Variants in WIF1 observed in about 807,000 individuals in gnomAD.
The protein encoded by WIF1 is Wnt inhibitory factor 1.
In WIF1, 35 loss-of-function variants were observed where a neutral mutation model predicts 53.5. The ratio of observed to expected loss-of-function variants is 0.65; its 90% CI spans 0.50 to 0.87. WIF1 has a LOEUF of 0.87. Ranked by LOEUF, WIF1 falls within the 40% of genes least tolerant of loss-of-function variation. The probability of loss-of-function intolerance (pLI) is 0.00; values close to 1 mark genes in which losing one functional copy is unlikely to be tolerated. For synonymous variants in WIF1, 171 were observed against 170.4 expected, an observed-to-expected ratio of 1.00 and a Z score of -0.03; for missense variants, 467 against 476.8, an observed-to-expected ratio of 0.98 and a Z score of 0.19.
intron 2 of WIF1, among the ~76,000 whole-genome samples, chr12:65,079,760 G>A (rs1882920328): frequency 6.6e-6 from 1 of 152,058 alleles, no homozygotes; most frequent in Admixed American, 6.6e-5. Flanking sequence ...GCAGTTACCT[G>A]TAGAGACATC....
intron 3 of WIF1, among the ~76,000 whole-genome samples, chr12:65,071,682 C>T (rs1462420716): frequency 6.6e-6 from 1 of 152,150 alleles, no homozygotes; most frequent in Non-Finnish European, 1.5e-5. Context: ...CATTAAAAAT[C>T]CCATCAGCCC....
In WIF1 at chr12:65,068,858, T is replaced by C. The variant is rs1329697044; in HGVS notation, c.444A>G (p.Ala148=). 4 of 1,613,676 alleles carry C rather than the reference T, an allele frequency of 2.5e-6. No homozygotes were observed. The highest frequency in any genetic ancestry group is 3.4e-6 in the Non-Finnish European group (4 of 1,179,720). The change falls in exon 4 of 10, where the codon GCA becomes GCG. Residue 148 remains alanine (A), a synonymous_variant. Transcript: ENST00000286574. ...FPCLGKQDGV[A]AFEVDVIVMN... is the part of the protein sequence containing the mutation. ...TAACAATCACATCCACTTCAAATGCTGCCACCCCATCCTGTTTTCCAAGAC... is the reference window on the plus strand; with the variant it reads ...TAACAATCACATCCACTTCAAATGCCGCCACCCCATCCTGTTTTCCAAGAC...
chr12:65,069,330 A>G (rs985293036), intron 3 of WIF1, among the ~76,000 whole-genome samples: 6 of 152,186 alleles, frequency 3.9e-5, no homozygotes, highest in African/African-American at 1.4e-4. Context: ...TGGCATCTTC[A>G]TCAGCCTCCA....
chr12:65,118,987 A>G (rs937161403), intron 2 of WIF1, among the ~76,000 whole-genome samples: 11 of 152,126 alleles, frequency 7.2e-5, no homozygotes, highest in African/African-American at 2.4e-4. Context: ...ACTGCCTTTT[A>G]TTGATTCTTA....
At chr12:65,067,620 C>T (rs1882706649) in intron 5 of WIF1, 75 bp downstream of exon 5, 1 of 1,430,870 alleles carries the variant, frequency 7.0e-7, no homozygotes, top group African/African-American at 1.4e-5. Context: ...TAAAAATACA[C>T]AATACACATG....
intron 2 of WIF1, among the ~76,000 whole-genome samples, chr12:65,094,814 C>A (rs901643485): frequency 1.3e-5 from 2 of 152,116 alleles, no homozygotes; most frequent in African/African-American, 4.8e-5. Flanking sequence ...TTACTAACTT[C>A]CCTCCCACTC....
At chr12:65,064,211 A>G (rs1044691491) in intron 6 of WIF1, among the ~76,000 whole-genome samples, 14 of 152,202 alleles carry the variant, frequency 9.2e-5, no homozygotes, top group African/African-American at 3.4e-4. Flanking sequence ...AATGCAATGA[A>G]CCTGGTAGCT....
intron 8 of WIF1, 115 bp from the exon 9 acceptor site, chr12:65,055,328 A>AT: frequency 7.0e-5 from 82 of 1,173,816 alleles, no homozygotes; most frequent in South Asian, 1.4e-4. Context: ...TCATCCTCTA[A>AT]TTTTTTTTCC....
At chr12:65,051,503 A>C (rs1565746485) in intron 9 of WIF1, 33 bp from the exon 10 acceptor site, 1 of 1,543,802 alleles carries the variant, frequency 6.5e-7, no homozygotes, top group Non-Finnish European at 8.7e-7. Flanking sequence ...AAAGGAAAGA[A>C]ACTACAAAAC....
chr12:65,073,283 T>G (rs1056383795), intron 3 of WIF1, among the ~76,000 whole-genome samples: 1 of 152,222 alleles, frequency 6.6e-6, no homozygotes, highest in Non-Finnish European at 1.5e-5. Context: ...CTTCACATTC[T>G]GCTAAGAACT....
At chr12:65,105,991 C>A (rs975701454) in intron 2 of WIF1, among the ~76,000 whole-genome samples, 9 of 152,176 alleles carry the variant, frequency 5.9e-5, no homozygotes, top group African/African-American at 1.9e-4. Flanking sequence ...CCAGCTTGAC[C>A]CTTGAGTGTT....
intron 2 of WIF1, among the ~76,000 whole-genome samples, chr12:65,087,717 C>T (rs1883062030): frequency 6.6e-6 from 1 of 151,858 alleles, no homozygotes; most frequent in African/African-American, 2.4e-5. Flanking sequence ...TGAGAAGAGC[C>T]TTAATTTGAC....
chr12:65,083,724 C>G (rs1045790852), intron 2 of WIF1: 2 of 334,122 alleles, frequency 6.0e-6, no homozygotes, highest in Admixed American at 3.9e-5. Flanking sequence ...CAGCTTCCCC[C>G]ACTTGATTTC....
chr12:65,067,779 C>G lies in WIF1; in HGVS notation c.550G>C (p.Gly184Arg), dbSNP rs1248657214. ...CAAAAGCCTCCATTTCGGCACCCGC[C>G]TGGGCACTCAGCTTCAGCAGAGAGA... The part of the protein sequence containing the change: ...FKTCQQAECP[G>R]GCRNGGFCNE... Residue 184 changes from glycine (G) to arginine (R), a missense_variant, in exon 5 of 10, where the codon GGC becomes CGC. Physicochemically the swap from Gly to Arg is moderately radical, Grantham distance 125. Coordinates refer to ENST00000286574, the MANE Select transcript of WIF1 (RefSeq NM_007191.5). 6.2e-7 allele frequency: 1 copy of G among 1,613,196 alleles called. No homozygotes were observed. Among genetic ancestry groups the G allele is most frequent in the Admixed American group, 1.7e-5 (1 of 59,942 alleles).
rs529126746 is a variant in WIF1, at chr12:65,077,914, A to G, written c.289-60T>C. ...AAACCAGAGAGGGAGAAGGCACCAC[A>G]GAATTCATCGTCCATCTGATGGGGC... On this transcript the variant is annotated intron_variant, in intron 2 of 9. Transcript: ENST00000286574. The G allele has an allele frequency of 2.0e-4, 260 of 1,295,484 alleles. 2 individuals are homozygous for G. The South Asian group carries it at 3.1e-3, about 15-fold the overall frequency. The allele number at this position is 1,295,484 out of a possible 1,614,324, so 80.2% of individuals were successfully genotyped here.
chr12:65,119,329 A>T (rs976536230), intron 2 of WIF1, among the ~76,000 whole-genome samples: 3 of 152,048 alleles, frequency 2.0e-5, no homozygotes, highest in South Asian at 4.2e-4. Flanking sequence ...CAAAACCTCA[A>T]TTTTTTTTAA....
intron 2 of WIF1, among the ~76,000 whole-genome samples, chr12:65,105,374 C>T (rs192803728): frequency 6.6e-6 from 1 of 152,240 alleles, no homozygotes; most frequent in Admixed American, 6.5e-5. Flanking sequence ...CTTCACTGGG[C>T]TCAGGGTATT....
chr12:65,107,080 G>A (rs1156819011), intron 2 of WIF1, among the ~76,000 whole-genome samples: 1 of 152,088 alleles, frequency 6.6e-6, no homozygotes, highest in Non-Finnish European at 1.5e-5. Flanking sequence ...TCACAAATGG[G>A]CTTCTGTTAC....
chr12:65,060,672 G>T (rs1209856038), intron 7 of WIF1, among the ~76,000 whole-genome samples: 1 of 152,160 alleles, frequency 6.6e-6, no homozygotes, highest in Non-Finnish European at 1.5e-5. Context: ...ATTTTAAAAT[G>T]TTGAGTTTTA....
Sources: allele counts gnomAD v4.1 joint callset (sites outside exome capture counted in the v4.1 genomes callset), GRCh38; gene constraint gnomAD v4.1.1; transcripts MANE v1.5; gene names NCBI Gene and HGNC (gene_info 2026-07-23, HGNC 2026-07-21).